The following AK6 variants were observed in gnomAD, a reference collection of about 807,000 sequenced individuals.
AK6 encodes adenylate kinase isoenzyme 6.
AK6 carries 24 observed loss-of-function variants against 23.7 expected under a neutral mutation model. The ratio of observed to expected loss-of-function variants is 1.01; its 90% CI spans 0.73 to 1.43. The LOEUF (loss-of-function observed/expected upper bound fraction) is 1.43, where lower values mean the gene tolerates loss of function less well. AK6 is among the 40% of genes most tolerant of loss of function. AK6 has a pLI of 0.00. For synonymous variants in AK6, 73 were observed against 69.8 expected (o/e 1.05, Z -0.23); for missense variants, 191 against 199.1 (o/e 0.96, Z 0.24).
chr5:69,357,744 C>T (rs1253586439), intron 2 of AK6, among the ~76,000 whole-genome samples: 1 of 152,036 alleles, frequency 6.6e-6, no homozygotes, highest in Non-Finnish European at 1.5e-5. Flanking sequence ...GTTATATGTT[C>T]AATCCATTTA....
chr5:69,366,909 C>G (rs369388335), intron 1 of AK6: 24 of 265,868 alleles, frequency 9.0e-5, no homozygotes, highest in Middle Eastern at 1.4e-3. Context: ...CAGGTGCCCA[C>G]CACCATACCC....
chr5:69,353,486 C>CG (rs982059055), intron 4 of AK6, among the ~76,000 whole-genome samples: 1 of 151,800 alleles, frequency 6.6e-6, no homozygotes, highest in Non-Finnish European at 1.5e-5. Context: ...CTAGTAGAGA[C>CG]GGGGTTTCAC....
chr5:69,369,681 T>C, upstream of AK6: 1 of 1,554,822 alleles, frequency 6.4e-7, no homozygotes, highest in Non-Finnish European at 8.7e-7. Context: ...CACATTTCCG[T>C]CGCAAAGTTG....
chr5:69,369,809 C>A (rs1429507341), upstream of AK6: 2 of 1,183,758 alleles, frequency 1.7e-6, no homozygotes, highest in South Asian at 1.4e-5. Context: ...GGAAGGTCCC[C>A]GGGAGGCCGT....
chr5:69,352,482 C>A (rs537026951), intron 4 of AK6, among the ~76,000 whole-genome samples: 1 of 151,930 alleles, frequency 6.6e-6, no homozygotes, highest in South Asian at 2.1e-4. Context: ...ATTTCCCCCC[C>A]CCACAATTTG....
intron 2 of AK6, among the ~76,000 whole-genome samples, chr5:69,362,099 TA>T (rs928761045): frequency 7.7e-6 from 1 of 130,186 alleles, no homozygotes; most frequent in African/African-American, 2.5e-5. Context: ...AGGGTTTTCT[TA>T]AAAGCTTTCT....
intron 2 of AK6, among the ~76,000 whole-genome samples, chr5:69,366,190 A>G (rs1762416423): frequency 1.3e-5 from 2 of 152,192 alleles, no homozygotes; most frequent in African/African-American, 4.8e-5. Context: ...AGCAGTACCA[A>G]ACCTTTGTTT....
chr5:69,362,793 A>G (rs939916301), intron 2 of AK6, among the ~76,000 whole-genome samples: 2 of 152,026 alleles, frequency 1.3e-5, no homozygotes, highest in African/African-American at 4.8e-5. Flanking sequence ...ATCAAACTCC[A>G]TGTCAAGTCA....
chr5:69,365,830 T>A, intron 2 of AK6: 2 of 1,115,364 alleles, frequency 1.8e-6, no homozygotes, highest in Non-Finnish European at 2.4e-6. Flanking sequence ...GTCAGGAACT[T>A]AAAAAAATTT....
chr5:69,360,552 G>T (rs1762203446), intron 2 of AK6, among the ~76,000 whole-genome samples: 1 of 152,164 alleles, frequency 6.6e-6, no homozygotes, highest in Admixed American at 6.5e-5. Flanking sequence ...GCACAAGGGA[G>T]TGAATAGTCC....
Position 69,353,668 on chromosome 5 carries a change from T to C in AK6, c.327-1415A>G, listed in dbSNP as rs563374274. On this transcript the variant is annotated intron_variant, in intron 4 of 4. Coordinates refer to ENST00000380822, the MANE Select transcript of AK6 (RefSeq NM_016283.5). Reference sequence around the variant, plus strand: ...ATATACAAAAAAACAAATGAGCAACTGATATATACACCTACTATGTACCCA... The same window carrying C: ...ATATACAAAAAAACAAATGAGCAACCGATATATACACCTACTATGTACCCA... 2.6e-5 allele frequency among the ~76,000 whole-genome samples: 4 copies of C among 152,312 alleles called. No homozygotes were observed. In the South Asian group the frequency reaches 8.3e-4, roughly 32 times the overall value.
intron 2 of AK6, among the ~76,000 whole-genome samples, chr5:69,357,161 G>C (rs1186674262): frequency 6.6e-6 from 1 of 152,192 alleles, no homozygotes. Flanking sequence ...CACTGCGGGG[G>C]CAGTCTGATG....
intron 2 of AK6, among the ~76,000 whole-genome samples, chr5:69,364,538 C>G (rs572655363): frequency 6.6e-6 from 1 of 152,248 alleles, no homozygotes; most frequent in East Asian, 1.9e-4. Flanking sequence ...TATACTTCAG[C>G]AATCTGAGAG....
chr5:69,352,078 T>C lies in AK6; in HGVS notation c.502A>G (p.Lys168Glu), dbSNP rs1309285313. The C allele has an allele frequency of 6.2e-7, 1 of 1,610,786 alleles. No individual in the cohort carries two copies. Among genetic ancestry groups the C allele is most frequent in the African/African-American group, 1.3e-5 (1 of 74,884 alleles). ...QILKWIEQWIKDHNS is the reference protein window; with the variant it reads ...QILKWIEQWIEDHNS ...CTTATAAGTCAAGAGTTATGATCTT[T>C]GATCCACTGCTCAATCCATTTCAAG... The change falls in exon 5 of 5, where the codon AAA (lysine) becomes GAA (glutamate). Residue 168 changes from lysine to glutamate, a missense_variant. By Grantham distance (56) the Lys-to-Glu change is moderately conservative. Transcript: ENST00000380822.
upstream of AK6, chr5:69,369,710 G>C (rs1171434198): frequency 2.6e-6 from 4 of 1,551,316 alleles, no homozygotes; most frequent in Non-Finnish European, 3.5e-6. Flanking sequence ...GCATAACTCG[G>C]GTCGGTACTT....
At chr5:69,368,662 A>G (rs1300672889) in intron 1 of AK6, among the ~76,000 whole-genome samples, 2 of 152,352 alleles carry the variant, frequency 1.3e-5, no homozygotes, top group South Asian at 2.1e-4. Flanking sequence ...TGTTCCCACA[A>G]AGAGTCTTAA....
intron 2 of AK6, among the ~76,000 whole-genome samples, chr5:69,359,929 T>A (rs1385135034): frequency 6.6e-6 from 1 of 152,136 alleles, no homozygotes; most frequent in Admixed American, 6.5e-5. Context: ...GCCAAAGATA[T>A]GACATTGGAG....
chr5:69,358,558 C>T (rs1006217579), intron 2 of AK6, among the ~76,000 whole-genome samples: 1 of 146,012 alleles, frequency 6.8e-6, no homozygotes, highest in African/African-American at 2.5e-5. Context: ...ATGACTTGAA[C>T]CAATATATGC....
intron 2 of AK6, chr5:69,365,058 G>A: frequency 6.2e-7 from 1 of 1,613,974 alleles, no homozygotes; most frequent in Non-Finnish European, 8.5e-7. Flanking sequence ...CATATTAGTG[G>A]TAATAAGAAT....
Sources: allele counts gnomAD v4.1 joint callset (sites outside exome capture counted in the v4.1 genomes callset), GRCh38; gene constraint gnomAD v4.1.1; transcripts MANE v1.5; gene names NCBI Gene and HGNC (gene_info 2026-07-23, HGNC 2026-07-21).